NTM: variants seen among roughly 807,000 people sequenced by gnomAD.
NTM encodes the protein IgLON family member 2.
A neutral mutation model predicts 42.1 loss-of-function variants in NTM; 13 were observed. The observed-to-expected ratio is 0.31, with a 90% CI of 0.20 to 0.49. The LOEUF (loss-of-function observed/expected upper bound fraction) is 0.49, where lower values mean the gene tolerates loss of function less well. NTM is among the 20% of genes least tolerant of loss of function. The pLI, the probability that NTM is intolerant of heterozygous loss-of-function variation, is 0.99. For synonymous variants in NTM, 187 were observed against 179.2 expected, an observed-to-expected ratio of 1.04 and a Z score of -0.35; for missense variants, 373 against 452.8, an observed-to-expected ratio of 0.82 and a Z score of 1.60.
rs1417252662 is a variant in NTM, at chr11:131,680,961, CTG to C, written c.83-230599_83-230598del. Among the ~76,000 whole-genome samples, 17 of 23,364 alleles carry C rather than the reference CTG, an allele frequency of 7.3e-4. 4 individuals are homozygous for C. The highest frequency in any genetic ancestry group is 2.2e-3 in the African/African-American group (17 of 7,812). The allele number at this position is 23,364 out of a possible 152,430, so 15.3% of individuals were successfully genotyped here. ...CCTGTGTGTGTGAGCGTGTGTGTTTCTGTGTCTGTATGTCTCCCTGTGTGTGT... is the reference window on the plus strand; with the variant it reads ...CCTGTGTGTGTGAGCGTGTGTGTTTCTGTCTGTATGTCTCCCTGTGTGTGT... On this transcript the variant is annotated intron_variant, in intron 1 of 8. Coordinates refer to ENST00000683400, the MANE Select transcript of NTM (RefSeq NM_001352005.2).
At chr11:132,321,962 A>G (rs2095578912) in intron 7 of NTM, among the ~76,000 whole-genome samples, 1 of 150,976 alleles carries the variant, frequency 6.6e-6, no homozygotes, top group Admixed American at 6.6e-5. Flanking sequence ...AAAATACTTT[A>G]CAGACAAGCA....
At chr11:132,179,342 G>A (rs769843335) in intron 3 of NTM, among the ~76,000 whole-genome samples, 1 of 152,076 alleles carries the variant, frequency 6.6e-6, no homozygotes, top group South Asian at 2.1e-4. Context: ...AGGGAGAGAG[G>A]GGCAGGACAC....
chr11:131,803,517 C>T (rs944272538), intron 1 of NTM, among the ~76,000 whole-genome samples: 9 of 152,142 alleles, frequency 5.9e-5, no homozygotes, highest in Admixed American at 2.6e-4. Context: ...CCTATGTTGG[C>T]GAGGCTAGTC....
At chr11:132,004,291 G>A (rs932302966) in intron 2 of NTM, among the ~76,000 whole-genome samples, 1 of 152,234 alleles carries the variant, frequency 6.6e-6, no homozygotes, top group Admixed American at 6.5e-5. Flanking sequence ...ATTTTGAATT[G>A]CTTTAAATCC....
intron 1 of NTM, among the ~76,000 whole-genome samples, chr11:131,865,784 T>TAC (rs1201251174): frequency 1.4e-5 from 2 of 146,024 alleles, no homozygotes; most frequent in Admixed American, 6.8e-5. Flanking sequence ...ACACACATGC[T>TAC]ACACACACAC....
chr11:131,751,988 C>A (rs1026087916), intron 1 of NTM, among the ~76,000 whole-genome samples: 1 of 152,240 alleles, frequency 6.6e-6, no homozygotes, highest in African/African-American at 2.4e-5. Flanking sequence ...CAGAAGCCAA[C>A]ATTGACGTAA....
At chr11:131,825,451 A>G (rs942723627) in intron 1 of NTM, among the ~76,000 whole-genome samples, 2 of 152,130 alleles carry the variant, frequency 1.3e-5, no homozygotes, top group Non-Finnish European at 2.9e-5. Context: ...TGAGGCTAGC[A>G]CTTGATGTCT....
intron 5 of NTM, among the ~76,000 whole-genome samples, 196 bp downstream of exon 5, chr11:132,308,019 G>A (rs569718989): frequency 7.2e-5 from 11 of 152,334 alleles, no homozygotes; most frequent in Non-Finnish European, 1.0e-4. Context: ...ACAGTGTCAC[G>A]CTGAAAGAAA....
intron 1 of NTM, among the ~76,000 whole-genome samples, chr11:131,884,814 G>A (rs1036357108): frequency 6.6e-6 from 1 of 152,210 alleles, no homozygotes; most frequent in Non-Finnish European, 1.5e-5. Flanking sequence ...TACGGGGAAA[G>A]AAGACAAAGG....
chr11:131,508,838 G>C (rs1438623150), intron 1 of NTM, among the ~76,000 whole-genome samples: 2 of 147,180 alleles, frequency 1.4e-5, no homozygotes, highest in Non-Finnish European at 3.0e-5. Flanking sequence ...TGAACAATGA[G>C]ATCCCATGGA....
At chr11:131,387,361 C>T (rs1943455675) in intron 1 of NTM, among the ~76,000 whole-genome samples, 1 of 152,128 alleles carries the variant, frequency 6.6e-6, no homozygotes, top group Non-Finnish European at 1.5e-5. Flanking sequence ...CTTCACTCTG[C>T]TCCATCGCCC....
At chr11:131,774,673 T>C (rs1030015511) in intron 1 of NTM, among the ~76,000 whole-genome samples, 1 of 152,204 alleles carries the variant, frequency 6.6e-6, no homozygotes, top group African/African-American at 2.4e-5. Flanking sequence ...CAACTTGCCA[T>C]TAAGGGATGC....
chr11:131,992,671 A>G (rs1049233760), intron 2 of NTM, among the ~76,000 whole-genome samples: 6 of 152,134 alleles, frequency 3.9e-5, no homozygotes, highest in South Asian at 2.1e-4. Flanking sequence ...TAAATCTTAC[A>G]CACACAATTG....
intron 1 of NTM, among the ~76,000 whole-genome samples, chr11:131,798,746 A>G (rs1179613342): frequency 6.6e-6 from 1 of 152,166 alleles, no homozygotes; most frequent in African/African-American, 2.4e-5. Context: ...ATTGATTCAG[A>G]GATATCGTTC....
intron 4 of NTM, among the ~76,000 whole-genome samples, chr11:132,259,431 C>T (rs1192945978): frequency 2.6e-5 from 4 of 152,024 alleles, no homozygotes; most frequent in East Asian, 2.0e-4. Context: ...CCTGTAATCC[C>T]AGCACTTCGG....
chr11:132,302,760 G>A (rs1006407459), intron 4 of NTM, among the ~76,000 whole-genome samples: 1 of 152,202 alleles, frequency 6.6e-6, no homozygotes, highest in Admixed American at 6.5e-5. Flanking sequence ...ACAGTTGCAG[G>A]AGCAGTGGAT....
In NTM at chr11:131,763,503, G is replaced by A. The variant is rs553853583; in HGVS notation, c.83-148061G>A. On this transcript the variant is annotated intron_variant, in intron 1 of 8. Coordinates refer to ENST00000683400, the MANE Select transcript of NTM (RefSeq NM_001352005.2). ...CAGAGATTAAATGTATGCCACACAT[G>A]ATAAGCTGTTCAGTTTAGGGGATTA... 3.3e-5 allele frequency among the ~76,000 whole-genome samples: 5 copies of A among 152,192 alleles called. No homozygotes were observed. In the East Asian group the frequency reaches 9.7e-4, roughly 29 times the overall value.
chr11:131,730,306 T>C (rs1005257687), intron 1 of NTM, among the ~76,000 whole-genome samples: 3 of 152,198 alleles, frequency 2.0e-5, no homozygotes, highest in Admixed American at 6.5e-5. Context: ...TAAGAAGTAA[T>C]ATATGCCACA....
intron 6 of NTM, chr11:132,312,353 A>G (rs2095305139): frequency 6.6e-6 from 1 of 152,262 alleles, no homozygotes; most frequent in Non-Finnish European, 1.5e-5. Flanking sequence ...ACATGCCAGA[A>G]TGACTCAACT....
Sources: allele counts gnomAD v4.1 joint callset (sites outside exome capture counted in the v4.1 genomes callset), GRCh38; gene constraint gnomAD v4.1.1; transcripts MANE v1.5; gene names NCBI Gene and HGNC (gene_info 2026-07-23, HGNC 2026-07-21).